GPHN: variants seen among roughly 807,000 people sequenced by gnomAD.
The protein encoded by GPHN is gephyrin.
A neutral mutation model predicts 95.5 loss-of-function variants in GPHN; 17 were observed. That is an observed-to-expected ratio of 0.18 (90% confidence interval 0.12 to 0.27). The LOEUF is 0.27. Ranked by LOEUF, GPHN falls within the 10% of genes least tolerant of loss-of-function variation. The pLI is 1.00. For synonymous variants in GPHN, 320 were observed against 322.5 expected (o/e 0.99, Z 0.08); for missense variants, 660 against 978.1 (o/e 0.67, Z 4.34).
chr14:67,608,338 T>A, the GPHN span, among the ~76,000 whole-genome samples: 1 of 152,202 alleles, frequency 6.6e-6, no homozygotes, highest in Non-Finnish European at 1.5e-5. Context: ...GCTATTTACA[T>A]ATAATTTACA....
chr14:67,026,168 C>T (rs1367456178), intron 10 of GPHN, among the ~76,000 whole-genome samples: 1 of 152,090 alleles, frequency 6.6e-6, no homozygotes. Flanking sequence ...CTTTCCTGAT[C>T]TGTAAAATGT....
chr14:67,486,134 G>A, the GPHN span, among the ~76,000 whole-genome samples: 1 of 152,214 alleles, frequency 6.6e-6, no homozygotes, highest in African/African-American at 2.4e-5. Context: ...GATATGGTTT[G>A]GCTGTGTCCT....
At chr14:67,725,120 G>GC in the GPHN span, 8 of 1,614,190 alleles carry the variant, frequency 5.0e-6, no homozygotes, top group Admixed American at 1.2e-4. Context: ...TATATTGCCT[G>GC]CAGAGATGTA....
At chr14:66,607,571 G>A (rs1845969248) in intron 1 of GPHN, among the ~76,000 whole-genome samples, 1 of 152,000 alleles carries the variant, frequency 6.6e-6, no homozygotes. Flanking sequence ...TTTTCAGTAG[G>A]ATTGGTGCCA....
chr14:67,028,876 T>C (rs2074051486), intron 10 of GPHN, among the ~76,000 whole-genome samples: 1 of 152,182 alleles, frequency 6.6e-6, no homozygotes, highest in South Asian at 2.1e-4. Context: ...TGATATAGTC[T>C]CATTTGTCTG....
chr14:67,288,494 C>G, the GPHN span, among the ~76,000 whole-genome samples: 1 of 152,286 alleles, frequency 6.6e-6, no homozygotes, highest in South Asian at 2.1e-4. Context: ...GAGTTATAGA[C>G]TCCATCTTTA....
chr14:66,582,540 C>G (rs1000206721), intron 1 of GPHN, among the ~76,000 whole-genome samples: 1 of 151,946 alleles, frequency 6.6e-6, no homozygotes, highest in African/African-American at 2.4e-5. Flanking sequence ...CCCTCTCCCC[C>G]CACCCCACAA....
intron 1 of GPHN, among the ~76,000 whole-genome samples, chr14:66,647,378 G>A (rs1235277444): frequency 6.6e-6 from 1 of 150,882 alleles, no homozygotes; most frequent in African/African-American, 2.4e-5. Flanking sequence ...CTCACAGTTA[G>A]GTGTGCTTCT....
the GPHN span, among the ~76,000 whole-genome samples, chr14:67,361,279 A>G: frequency 3.3e-5 from 5 of 152,148 alleles, no homozygotes; most frequent in Non-Finnish European, 5.9e-5. Flanking sequence ...TTTCCCCTCA[A>G]TTGAGTTGTT....
At chr14:67,563,987 T>C in the GPHN span, among the ~76,000 whole-genome samples, 1 of 151,292 alleles carries the variant, frequency 6.6e-6, no homozygotes, top group Admixed American at 6.6e-5. Context: ...CTGGAAGCTC[T>C]GCCTCCCAGT....
chr14:67,199,688 C>T, the GPHN span: 9 of 1,584,514 alleles, frequency 5.7e-6, no homozygotes, highest in Non-Finnish European at 7.8e-6. Flanking sequence ...CCCTCATCAG[C>T]TGTTTGCAGA....
At position 66,880,008 on chromosome 14, in the gene GPHN, G is replaced by A; in HGVS notation, c.364G>A (p.Val122Ile). The A allele has an allele frequency of 6.2e-7, 1 of 1,607,556 alleles. No homozygotes were observed. The highest frequency in any genetic ancestry group is 8.5e-7 in the Non-Finnish European group (1 of 1,174,560). Reference protein sequence around the residue: ...ALAMLMGSLNVTPLGMLSRPV... With the variant: ...ALAMLMGSLNITPLGMLSRPV... ...GGCAATGCTGATGGGATCACTTAAT[G>A]TTACACCTCTGGGCATGCTCTCTAG... The change falls in exon 5 of 23, where the codon GTT (valine) becomes ATT (isoleucine). Residue 122 changes from valine (V) to isoleucine (I), a missense_variant. Physicochemically the swap from Val to Ile is conservative, Grantham distance 29. Around this residue, in one of 6 missense-constraint regions of GPHN, gnomAD observed 71 missense variants for 130.8 expected, o/e 0.54. Transcript: ENST00000478722.
At chr14:67,560,732 T>C in the GPHN span, among the ~76,000 whole-genome samples, 5 of 149,980 alleles carry the variant, frequency 3.3e-5, no homozygotes, top group Admixed American at 6.6e-5. Context: ...TATATCTTTT[T>C]TTTTTTTTTT....
chr14:66,781,384 T>C (rs1012664283), intron 3 of GPHN, among the ~76,000 whole-genome samples: 1 of 152,044 alleles, frequency 6.6e-6, no homozygotes, highest in African/African-American at 2.4e-5. Flanking sequence ...ACCCAGCTAA[T>C]TTTTGTATTT....
At chr14:66,519,512 TA>T (rs762585233) in intron 1 of GPHN, among the ~76,000 whole-genome samples, 21 of 152,084 alleles carry the variant, frequency 1.4e-4, no homozygotes, top group Non-Finnish European at 2.8e-4. Context: ...ATAAAATCCA[TA>T]TTTTTTTTGC....
At chr14:67,431,611 G>C in the GPHN span, among the ~76,000 whole-genome samples, 4 of 152,042 alleles carry the variant, frequency 2.6e-5, no homozygotes, top group African/African-American at 9.7e-5. Context: ...AGGATCGCTT[G>C]AGCCCAGGAG....
At chr14:67,347,110 A>T in the GPHN span, among the ~76,000 whole-genome samples, 1 of 152,100 alleles carries the variant, frequency 6.6e-6, no homozygotes, top group African/African-American at 2.4e-5. Context: ...CAGCCCTGGA[A>T]GTAGCTGAAA....
intron 1 of GPHN, among the ~76,000 whole-genome samples, chr14:66,529,813 G>C (rs763586743): frequency 5.9e-5 from 9 of 152,240 alleles, no homozygotes; most frequent in Non-Finnish European, 1.2e-4. Context: ...GAATGGTAAA[G>C]ATTGCTACCT....
chr14:66,760,809 G>T, intron 2 of GPHN: 1 of 520,918 alleles, frequency 1.9e-6, no homozygotes. Context: ...TTGATGCAAT[G>T]AAGAGAGTTG....
Sources: allele counts gnomAD v4.1 joint callset (sites outside exome capture counted in the v4.1 genomes callset), GRCh38; gene constraint gnomAD v4.1.1; regional missense constraint gnomAD v4.1.1; transcripts MANE v1.5; gene names NCBI Gene and HGNC (gene_info 2026-07-23, HGNC 2026-07-21).